WDR1: variants seen among roughly 807,000 people sequenced by gnomAD.
WDR1 encodes the protein WD repeat domain 1, also known as WD repeat-containing protein 1.
WDR1 carries 21 observed loss-of-function variants against 71.9 expected under a neutral mutation model. The observed-to-expected ratio is 0.29, with a 90% CI of 0.21 to 0.42. The LOEUF is 0.42. Among genes scored for constraint, WDR1 ranks in the 10% least tolerant of loss-of-function variants. The probability of loss-of-function intolerance (pLI) is 1.00; values close to 1 mark genes in which losing one functional copy is unlikely to be tolerated. For missense variants in WDR1, 696 were observed against 824.5 expected, an observed-to-expected ratio of 0.84 and a Z score of 1.91; for synonymous variants, 424 against 347.4, an observed-to-expected ratio of 1.22 and a Z score of -2.45.
At chr4:10,107,782 G>A (rs1713109216) in intron 2 of WDR1, among the ~76,000 whole-genome samples, 1 of 152,180 alleles carries the variant, frequency 6.6e-6, no homozygotes, top group African/African-American at 2.4e-5. Flanking sequence ...CAGCAATCAA[G>A]GAGTCACACA....
In WDR1 at chr4:10,075,259, G is replaced by C. The variant is rs1764755737; in HGVS notation, c.*119C>G. On this transcript the variant is annotated 3_prime_UTR_variant, in exon 15 of 15. Transcript: ENST00000499869. ...ACGAGGGTCATGACTGGGCCCTCCTGCCTCTTGTGGTGGGGTGGGGGCATG... is the reference window on the plus strand; with the variant it reads ...ACGAGGGTCATGACTGGGCCCTCCTCCCTCTTGTGGTGGGGTGGGGGCATG... The C allele has an allele frequency of 4.9e-6, 4 of 823,426 alleles. No homozygotes were observed. The highest frequency in any genetic ancestry group is 2.1e-5 in the Admixed American group (1 of 48,070). 51.0% of individuals were successfully genotyped at this position (823,426 alleles called of 1,614,324 possible).
At chr4:10,113,835 A>G (rs886810628) in intron 2 of WDR1, among the ~76,000 whole-genome samples, 1 of 152,274 alleles carries the variant, frequency 6.6e-6, no homozygotes, top group Non-Finnish European at 1.5e-5. Flanking sequence ...TGGGGCCTGA[A>G]CAGCTGGAGG....
At chr4:10,088,231 G>A in intron 7 of WDR1, 62 bp downstream of exon 7, 6 of 1,449,958 alleles carry the variant, frequency 4.1e-6, no homozygotes, top group Non-Finnish European at 5.7e-6. Flanking sequence ...GAGTGTGGAT[G>A]GACTGACACG....
intron 3 of WDR1, 82 bp downstream of exon 3, chr4:10,103,814 G>A: frequency 1.5e-6 from 1 of 652,284 alleles, no homozygotes; most frequent in Non-Finnish European, 2.4e-6. Flanking sequence ...CTCTCCCAAG[G>A]CCAGAAGCCC....
chr4:10,098,023 G>A (rs1051190456), intron 4 of WDR1, 132 bp from the exon 5 acceptor site: 9 of 922,362 alleles, frequency 9.8e-6, no homozygotes, highest in East Asian at 2.7e-5. Flanking sequence ...AGCTCAGAAC[G>A]CCACAGGGAC....
intron 2 of WDR1, among the ~76,000 whole-genome samples, chr4:10,105,547 T>A (rs1252821959): frequency 6.6e-6 from 1 of 152,112 alleles, no homozygotes; most frequent in Non-Finnish European, 1.5e-5. Flanking sequence ...TCTTGGGAAA[T>A]GCAAGTCAAA....
chr4:10,097,148 C>T (rs915475943), intron 5 of WDR1, among the ~76,000 whole-genome samples: 2 of 152,278 alleles, frequency 1.3e-5, no homozygotes, highest in Admixed American at 6.5e-5. Flanking sequence ...GGCCTGGGTG[C>T]CTAAGGCGGG....
intron 14 of WDR1, 195 bp from the exon 15 acceptor site, chr4:10,075,679 G>A (rs1440580441): frequency 8.3e-6 from 5 of 603,152 alleles, no homozygotes; most frequent in Admixed American, 2.9e-5. Context: ...TGAACCCCGG[G>A]GCCGGGTACC....
intron 9 of WDR1, 46 bp downstream of exon 9, chr4:10,084,397 C>G (rs758541532): frequency 2.3e-5 from 36 of 1,573,904 alleles, no homozygotes; most frequent in African/African-American, 1.9e-4. Flanking sequence ...GAAATTCCCC[C>G]CTAGAGCCAG....
chr4:10,104,512 A>G (rs1712904178), intron 2 of WDR1, among the ~76,000 whole-genome samples: 1 of 152,210 alleles, frequency 6.6e-6, no homozygotes, highest in Non-Finnish European at 1.5e-5. Context: ...TTGGGTTTGG[A>G]AAGGAAAGTC....
chr4:10,105,356 GACCT>G (rs1712953271), intron 2 of WDR1, among the ~76,000 whole-genome samples: 1 of 152,184 alleles, frequency 6.6e-6, no homozygotes, highest in African/African-American at 2.4e-5. Context: ...AGTACACACA[GACCT>G]TCTCTTTCAT....
rs1764733425 is a variant in WDR1, at chr4:10,074,772, A to G, written c.*606T>C. On this transcript the variant is annotated 3_prime_UTR_variant, in exon 15 of 15. Coordinates refer to ENST00000499869, the MANE Select transcript of WDR1 (RefSeq NM_017491.5). Reference sequence around the variant, plus strand: ...TAAAAAAAAAGGAAAGATACCCACAATTCCATTCTTAAAATCAAGCACAAA... The same window carrying G: ...TAAAAAAAAAGGAAAGATACCCACAGTTCCATTCTTAAAATCAAGCACAAA... The G allele has an allele frequency of 6.6e-6, 1 of 152,462 alleles. No homozygotes were observed. The highest frequency in any genetic ancestry group is 1.5e-5 in the Non-Finnish European group (1 of 68,128). 9.4% of individuals were successfully genotyped at this position (152,462 alleles called of 1,614,324 possible).
chr4:10,107,111 T>C (rs1713069651), intron 2 of WDR1, among the ~76,000 whole-genome samples: 2 of 152,140 alleles, frequency 1.3e-5, no homozygotes, highest in African/African-American at 2.4e-5. Flanking sequence ...AGTGCTACTG[T>C]AGGCAAAAGT....
chr4:10,116,564 C>G (rs1713750886), intron 1 of WDR1, 87 bp downstream of exon 1: 1 of 1,049,390 alleles, frequency 9.5e-7, no homozygotes. Context: ...CGAGGACTCC[C>G]CCGCCACCCG....
At chr4:10,093,957 G>A (rs778804953) in intron 5 of WDR1, among the ~76,000 whole-genome samples, 2 of 152,216 alleles carry the variant, frequency 1.3e-5, no homozygotes, top group African/African-American at 2.4e-5. Flanking sequence ...CAGCACTTCC[G>A]GTAACAGCCA....
intron 10 of WDR1, among the ~76,000 whole-genome samples, chr4:10,082,275 C>CA (rs1209014516): frequency 6.6e-6 from 1 of 152,202 alleles, no homozygotes; most frequent in Non-Finnish European, 1.5e-5. Context: ...TTGCGTGCTG[C>CA]ACCCTGTGCC....
intron 2 of WDR1, among the ~76,000 whole-genome samples, chr4:10,107,870 G>C (rs752210446): frequency 1.3e-5 from 2 of 152,204 alleles, no homozygotes; most frequent in African/African-American, 2.4e-5. Context: ...CACAGGGCCT[G>C]GTTCAAGGCC....
intron 5 of WDR1, among the ~76,000 whole-genome samples, 152 bp from the exon 6 acceptor site, chr4:10,088,893 T>C (rs566255515): frequency 6.6e-6 from 1 of 152,348 alleles, no homozygotes; most frequent in African/African-American, 2.4e-5. Flanking sequence ...AAAAACATCC[T>C]GGGCAGTCCC....
intron 8 of WDR1, 55 bp downstream of exon 8, chr4:10,087,652 C>T (rs1711670934): frequency 6.7e-7 from 1 of 1,492,646 alleles, no homozygotes; most frequent in Non-Finnish European, 9.0e-7. Flanking sequence ...GCTGGCCACT[C>T]TGGTCTCTTC....
Sources: gnomAD v4.1 joint callset for allele counts (sites outside exome capture counted in the v4.1 genomes callset) on GRCh38, gnomAD v4.1.1 for gene constraint, MANE v1.5 for transcripts, NCBI Gene and HGNC (gene_info 2026-07-23, HGNC 2026-07-21) for gene names.